The following GLIS3 variants were observed in gnomAD, a reference collection of about 807,000 sequenced individuals.
GLIS3 encodes the protein zinc finger protein GLIS3.
Under a neutral mutation model 78.6 loss-of-function variants are expected in GLIS3, and 53 were observed. The ratio of observed to expected loss-of-function variants is 0.67; its 90% CI spans 0.54 to 0.85. The LOEUF (loss-of-function observed/expected upper bound fraction) is 0.85. GLIS3 is among the 40% of genes least tolerant of loss of function. GLIS3 has a pLI of 0.00. For synonymous variants in GLIS3, 684 were observed against 509.9 expected (o/e 1.34, Z -4.60); for missense variants, 1,703 against 1,231.1 (o/e 1.38, Z -5.74).
At chr9:3,893,944 G>C (rs1267857712) in intron 7 of GLIS3, among the ~76,000 whole-genome samples, 1 of 152,190 alleles carries the variant, frequency 6.6e-6, no homozygotes, top group Non-Finnish European at 1.5e-5. Flanking sequence ...CAACAGAGAA[G>C]TATGAAGCTT....
intron 6 of GLIS3, among the ~76,000 whole-genome samples, chr9:3,919,652 A>AAT (rs1451535111): frequency 6.6e-6 from 1 of 151,840 alleles, no homozygotes; most frequent in African/African-American, 2.4e-5. Flanking sequence ...AAAAAATAAA[A>AAT]AAAAAAAATT....
intron 2 of GLIS3, among the ~76,000 whole-genome samples, chr9:4,204,201 G>C (rs1247479343): frequency 1.3e-5 from 2 of 152,256 alleles, no homozygotes; most frequent in East Asian, 1.9e-4. Flanking sequence ...AAGAAAACAG[G>C]TGCACAATTT....
chr9:4,298,937 A>C (rs1405801430), intron 1 of GLIS3, among the ~76,000 whole-genome samples: 1 of 152,116 alleles, frequency 6.6e-6, no homozygotes, highest in East Asian at 1.9e-4. Context: ...AGACAACTAC[A>C]GCCCCGCGTG....
At chr9:4,394,988 G>A in the GLIS3 span, among the ~76,000 whole-genome samples, 1,190 of 152,252 alleles carry the variant, frequency 7.8e-3, 6 homozygotes, top group Middle Eastern at 0.014. Flanking sequence ...TGAATATCCC[G>A]TAGATGACTA....
intron 4 of GLIS3, among the ~76,000 whole-genome samples, chr9:4,050,174 A>G (rs1032358769): frequency 2.6e-5 from 4 of 152,190 alleles, no homozygotes; most frequent in Non-Finnish European, 4.4e-5. Context: ...CCTATTCACC[A>G]TAGCAAAGAC....
At chr9:4,204,806 C>A (rs889271899) in intron 2 of GLIS3, among the ~76,000 whole-genome samples, 5 of 151,212 alleles carry the variant, frequency 3.3e-5, no homozygotes, top group Non-Finnish European at 1.5e-5. Context: ...CCCAGCTACT[C>A]GGGAGGCTGA....
intron 9 of GLIS3, among the ~76,000 whole-genome samples, chr9:3,830,247 T>C (rs1817968879): frequency 6.6e-6 from 1 of 152,206 alleles, no homozygotes; most frequent in Non-Finnish European, 1.5e-5. Context: ...TGGGGTCCCA[T>C]GTGGTTCTTC....
intron 2 of GLIS3, among the ~76,000 whole-genome samples, chr9:4,275,211 C>T (rs902122914): frequency 3.3e-5 from 5 of 152,158 alleles, no homozygotes; most frequent in African/African-American, 1.2e-4. Flanking sequence ...GAGTAGGCAA[C>T]GCTCTCCATG....
chr9:4,247,957 G>A (rs1242399228), intron 2 of GLIS3, among the ~76,000 whole-genome samples: 1 of 152,108 alleles, frequency 6.6e-6, no homozygotes, highest in Non-Finnish European at 1.5e-5. Context: ...ATTGATTACA[G>A]TCATCCTGCT....
intron 2 of GLIS3, among the ~76,000 whole-genome samples, chr9:4,247,847 AAATC>A (rs1823943993): frequency 1.3e-5 from 2 of 152,202 alleles, no homozygotes; most frequent in South Asian, 4.1e-4. Flanking sequence ...TGCAGTGATT[AAATC>A]AAGCTAATTA....
intron 4 of GLIS3, among the ~76,000 whole-genome samples, chr9:4,102,582 G>A (rs776625567): frequency 2.3e-4 from 35 of 152,202 alleles, no homozygotes; most frequent in Middle Eastern, 3.4e-3. Flanking sequence ...CTAAACAACC[G>A]ACAATATCCA....
chr9:4,360,017 G>C, the GLIS3 span, among the ~76,000 whole-genome samples: 1 of 150,478 alleles, frequency 6.6e-6, no homozygotes. Flanking sequence ...TGGAATGTCA[G>C]GATTTGCAAA....
chr9:4,016,055 G>A (rs1588458471), intron 4 of GLIS3, among the ~76,000 whole-genome samples: 1 of 152,238 alleles, frequency 6.6e-6, no homozygotes, highest in South Asian at 2.1e-4. Flanking sequence ...TAAGCGTATA[G>A]TACTATTACA....
chr9:3,859,757 A>T (rs183366201), intron 8 of GLIS3, among the ~76,000 whole-genome samples: 2 of 152,184 alleles, frequency 1.3e-5, no homozygotes, highest in Non-Finnish European at 2.9e-5. Context: ...TTAGCCTTTT[A>T]TACTTCTTTG....
At chr9:4,260,009 G>A (rs972961619) in intron 2 of GLIS3, among the ~76,000 whole-genome samples, 4 of 152,152 alleles carry the variant, frequency 2.6e-5, no homozygotes, top group Non-Finnish European at 5.9e-5. Context: ...AAGCAAGGGA[G>A]ATGGAAACAC....
chr9:3,866,888 C>T (rs749310632), intron 8 of GLIS3, among the ~76,000 whole-genome samples: 2 of 152,024 alleles, frequency 1.3e-5, no homozygotes, highest in Non-Finnish European at 2.9e-5. Flanking sequence ...TAGATGATCA[C>T]AGGTAGGCAA....
intron 2 of GLIS3, among the ~76,000 whole-genome samples, chr9:4,139,384 C>A (rs1472794496): frequency 6.6e-6 from 1 of 152,184 alleles, no homozygotes; most frequent in African/African-American, 2.4e-5. Flanking sequence ...AAGTACAGTT[C>A]AAGGCCACGA....
intron 2 of GLIS3, among the ~76,000 whole-genome samples, chr9:4,262,836 G>A (rs1424386863): frequency 3.4e-5 from 5 of 148,690 alleles, no homozygotes; most frequent in Non-Finnish European, 5.9e-5. Context: ...TGACTTCACC[G>A]AAAGGAATGT....
At chr9:4,239,684 C>G (rs1823110876) in intron 2 of GLIS3, among the ~76,000 whole-genome samples, 1 of 152,212 alleles carries the variant, frequency 6.6e-6, no homozygotes, top group Non-Finnish European at 1.5e-5. Flanking sequence ...TCTGACTTTT[C>G]CATTACCTAC....
Sources: gnomAD v4.1 joint callset for allele counts (sites outside exome capture counted in the v4.1 genomes callset) on GRCh38, gnomAD v4.1.1 for gene constraint, MANE v1.5 for transcripts, NCBI Gene and HGNC (gene_info 2026-07-23, HGNC 2026-07-21) for gene names.